DGKK: variants seen among roughly 807,000 people sequenced by gnomAD.
DGKK encodes 142 kDa diacylglycerol kinase.
Under a neutral mutation model 92.2 loss-of-function variants are expected in DGKK, and 35 were observed. That is an observed-to-expected ratio of 0.38 (90% CI 0.29 to 0.50). The LOEUF is 0.50. Among genes scored for constraint, DGKK ranks in the 20% least tolerant of loss-of-function variants. The pLI, the probability that DGKK is intolerant of heterozygous loss-of-function variation, is 0.92. For synonymous variants in DGKK, 368 were observed against 360.6 expected, an observed-to-expected ratio of 1.02 and a Z score of -0.23; for missense variants, 910 against 992.2, an observed-to-expected ratio of 0.92 and a Z score of 1.11.
intron 24 of DGKK, 52 bp downstream of exon 24, chrX:50,375,972 C>A (rs1361495591): frequency 8.6e-7 from 1 of 1,167,092 alleles, no homozygotes; most frequent in African/African-American, 1.8e-5. Context: ...CCCTTTCATC[C>A]TCTTTCCTAT....
chrX:50,382,566 C>T lies in DGKK; in HGVS notation c.2587G>A (p.Gly863Arg), dbSNP rs782330201. 7 of 1,209,542 alleles carry T rather than the reference C, an allele frequency of 5.8e-6. No homozygotes were observed. Among genetic ancestry groups the T allele is most frequent in the East Asian group, 3.0e-5 (1 of 33,771 alleles). Residue 863 changes from glycine (G) to arginine (R), a missense_variant, in exon 18 of 28, where the codon GGA (glycine) becomes AGA (arginine). Physicochemically the swap from Gly to Arg is moderately radical, Grantham distance 125. Coordinates refer to ENST00000611977, the MANE Select transcript of DGKK (RefSeq NM_001013742.4). ...KEKCVMNNYF[G>R]IGLDAKISLD... is the part of the protein sequence containing the mutation. ...GAAATTTTAGCATCCAGTCCAATTC[C>T]GAAGTAGTTGTTCATGACACATTTT... is the stretch of plus-strand genomic sequence containing the variant.
intron 1 of DGKK, among the ~76,000 whole-genome samples, chrX:50,447,853 T>C (rs1926405729): frequency 9.1e-6 from 1 of 110,264 alleles, no homozygotes; most frequent in Non-Finnish European, 1.9e-5. Context: ...TTTCAGGACA[T>C]AAATGTTGCT....
rs1226014519 is a variant in DGKK at position 50,375,948 on chromosome X, G to A, written c.3414+76C>T. 6.1e-5 allele frequency: 68 copies of A among 1,110,059 alleles called. No individual in the cohort carries two copies. In the Middle Eastern group the frequency reaches 1.5e-3, roughly 25 times the overall value. The allele number at this position is 1,110,059 out of a possible 1,213,427, so 91.5% of individuals were successfully genotyped here. ...TGCCCAGTTTCTCCGTCCAGCCTCC[G>A]GCTCCACTTCTTTCCCTTTCATCCT... is the stretch of plus-strand genomic sequence containing the variant. On this transcript the variant is annotated intron_variant, in intron 24 of 27. Coordinates refer to ENST00000611977, the MANE Select transcript of DGKK (RefSeq NM_001013742.4).
chrX:50,460,183 C>T (rs1002591815), intron 1 of DGKK, among the ~76,000 whole-genome samples: 4 of 111,931 alleles, frequency 3.6e-5, no homozygotes, highest in African/African-American at 1.3e-4. Context: ...TGAAAACTTT[C>T]TGGGTTTCAA....
chrX:50,388,279 T>C (rs188423407), intron 13 of DGKK, among the ~76,000 whole-genome samples: 5 of 112,232 alleles, frequency 4.5e-5, no homozygotes, highest in African/African-American at 1.6e-4. Context: ...TAATGTTGTG[T>C]TTCCCTACTA....
intron 1 of DGKK, among the ~76,000 whole-genome samples, chrX:50,451,241 C>T (rs190115174): frequency 1.8e-5 from 2 of 111,467 alleles, no homozygotes; most frequent in East Asian, 5.7e-4. Flanking sequence ...GAAAAATCTA[C>T]CTAGGAGAGA....
chrX:50,393,696 CTG>C (rs1311633950), intron 8 of DGKK, among the ~76,000 whole-genome samples: 1 of 111,768 alleles, frequency 8.9e-6, no homozygotes, highest in Non-Finnish European at 1.9e-5. Context: ...ATTAGTAAAA[CTG>C]TGAGGAAACT....
At chrX:50,461,591 G>C (rs1926748195) in intron 1 of DGKK, among the ~76,000 whole-genome samples, 1 of 111,490 alleles carries the variant, frequency 9.0e-6, no homozygotes, top group Non-Finnish European at 1.9e-5. Context: ...ACTATTAATA[G>C]TGAATACCTT....
At chrX:50,386,665 A>G (rs938836559) in intron 14 of DGKK, 79 bp from the exon 15 acceptor site, 9 of 872,562 alleles carry the variant, frequency 1.0e-5, no homozygotes, top group Non-Finnish European at 1.3e-5. Flanking sequence ...TGGTGGTGAT[A>G]TGGGGAAGGG....
At chrX:50,393,048 T>A in intron 9 of DGKK, 104 bp downstream of exon 9, 2 of 705,537 alleles carry the variant, frequency 2.8e-6, no homozygotes, top group Non-Finnish European at 4.1e-6. Flanking sequence ...AGACCTTTCC[T>A]GCCCAAATAC....
chrX:50,448,496 A>G (rs952609350), intron 1 of DGKK, among the ~76,000 whole-genome samples: 3 of 111,551 alleles, frequency 2.7e-5, no homozygotes, highest in Admixed American at 9.6e-5. Context: ...TCATACTAGT[A>G]GGAAGAGAAA....
At chrX:50,395,546 A>T (rs1924827787) in intron 8 of DGKK, among the ~76,000 whole-genome samples, 1 of 111,430 alleles carries the variant, frequency 9.0e-6, no homozygotes, top group Non-Finnish European at 1.9e-5. Flanking sequence ...TCTAAAGGTG[A>T]GACAGCAGTG....
intron 1 of DGKK, among the ~76,000 whole-genome samples, chrX:50,431,088 G>C (rs372461979): frequency 4.1e-3 from 454 of 110,604 alleles, no homozygotes; most frequent in African/African-American, 0.014. Flanking sequence ...CTGAAGTGCA[G>C]TGGCGCAATC....
chrX:50,461,018 T>C (rs1261774089), intron 1 of DGKK, among the ~76,000 whole-genome samples: 3 of 111,161 alleles, frequency 2.7e-5, no homozygotes, highest in East Asian at 5.7e-4. Flanking sequence ...CAAGGCCAAG[T>C]CACAAAAGCT....
chrX:50,460,916 A>C (rs1352175160), intron 1 of DGKK, among the ~76,000 whole-genome samples: 1 of 105,591 alleles, frequency 9.5e-6, no homozygotes, highest in Non-Finnish European at 1.9e-5. Flanking sequence ...TTTTTGGCAT[A>C]TAGTTAAAAG....
intron 1 of DGKK, among the ~76,000 whole-genome samples, chrX:50,468,331 T>C (rs1926962742): frequency 9.0e-6 from 1 of 111,378 alleles, no homozygotes; most frequent in Non-Finnish European, 1.9e-5. Context: ...TCGCTTAAGA[T>C]GGCCACAGGT....
At chrX:50,394,215 G>A (rs1370876850) in intron 8 of DGKK, among the ~76,000 whole-genome samples, 1 of 111,785 alleles carries the variant, frequency 8.9e-6, no homozygotes, top group Admixed American at 9.5e-5. Context: ...AGGGCAAAAA[G>A]CATGTGGCTC....
intron 4 of DGKK, among the ~76,000 whole-genome samples, chrX:50,408,954 T>G (rs957568083): frequency 5.4e-5 from 6 of 111,228 alleles, no homozygotes; most frequent in Non-Finnish European, 1.1e-4. Context: ...GACATGAATT[T>G]GGGGGGGACT....
At chrX:50,450,693 C>A (rs1557232390) in intron 1 of DGKK, among the ~76,000 whole-genome samples, 1 of 112,033 alleles carries the variant, frequency 8.9e-6, no homozygotes, top group Non-Finnish European at 1.9e-5. Context: ...GGACAAGAGG[C>A]ATGCTCTGCC....
Sources: allele counts gnomAD v4.1 joint callset (sites outside exome capture counted in the v4.1 genomes callset), GRCh38; gene constraint gnomAD v4.1.1; transcripts MANE v1.5; gene names NCBI Gene and HGNC (gene_info 2026-07-23, HGNC 2026-07-21).